Variants in SLC45A4 observed in about 807,000 individuals in gnomAD.
SLC45A4 encodes solute carrier family 45 member 4.
In SLC45A4, 32 loss-of-function variants were observed where a neutral mutation model predicts 63.7. That is an observed-to-expected ratio of 0.50 (90% CI 0.38 to 0.67). SLC45A4 has a LOEUF of 0.67. Among genes scored for constraint, SLC45A4 ranks in the 30% least tolerant of loss-of-function variants. The probability of loss-of-function intolerance (pLI) is 0.00; values close to 1 mark genes in which losing one functional copy is unlikely to be tolerated. For synonymous variants in SLC45A4, 535 were observed against 510.0 expected (o/e 1.05, Z -0.66); for missense variants, 1,027 against 1,157.7 (o/e 0.89, Z 1.64).
intron 2 of SLC45A4, among the ~76,000 whole-genome samples, chr8:141,245,561 C>T (rs1828149273): frequency 6.6e-6 from 1 of 152,228 alleles, no homozygotes; most frequent in East Asian, 1.9e-4. Context: ...ATCAGGGACT[C>T]CCAGGAGACC....
At chr8:141,231,146 G>A (rs1827327385) in intron 2 of SLC45A4, among the ~76,000 whole-genome samples, 1 of 152,244 alleles carries the variant, frequency 6.6e-6, no homozygotes, top group African/African-American at 2.4e-5. Context: ...CCCCGGAAGA[G>A]AAAGGACCTG....
At chr8:141,285,418 C>T (rs1162509365) in intron 1 of SLC45A4, among the ~76,000 whole-genome samples, 6 of 152,184 alleles carry the variant, frequency 3.9e-5, no homozygotes, top group South Asian at 2.1e-4. Flanking sequence ...AAATCTTTAC[C>T]GAATCCCCAC....
At chr8:141,304,722 C>T (rs1830849563) in intron 1 of SLC45A4, among the ~76,000 whole-genome samples, 1 of 152,100 alleles carries the variant, frequency 6.6e-6, no homozygotes. Flanking sequence ...CAACAAATGA[C>T]CCCTACCAAG....
intron 1 of SLC45A4, among the ~76,000 whole-genome samples, chr8:141,277,965 T>C (rs1168829036): frequency 6.6e-6 from 1 of 152,156 alleles, no homozygotes; most frequent in Non-Finnish European, 1.5e-5. Flanking sequence ...TAGAATGTAG[T>C]GGTGCAATCA....
intron 6 of SLC45A4, 65 bp from the exon 7 acceptor site, chr8:141,216,035 A>T: frequency 6.9e-7 from 1 of 1,441,234 alleles, no homozygotes; most frequent in Non-Finnish European, 9.5e-7. Flanking sequence ...GGCTCCCTCC[A>T]CCATCCCTCC....
intron 5 of SLC45A4, among the ~76,000 whole-genome samples, chr8:141,217,575 G>A (rs911932941): frequency 4.6e-5 from 7 of 152,220 alleles, no homozygotes; most frequent in African/African-American, 1.2e-4. Flanking sequence ...CAGGAGGCCC[G>A]AGCGTGTGCT....
At chr8:141,279,228 C>T (rs1829847285) in intron 1 of SLC45A4, among the ~76,000 whole-genome samples, 1 of 152,230 alleles carries the variant, frequency 6.6e-6, no homozygotes, top group Admixed American at 6.5e-5. Flanking sequence ...CCGTGCCAGG[C>T]GGCCTTTCCT....
At chr8:141,244,953 T>TGGGGGGGGGGGGGGGGGGGG (rs1332452740) in intron 2 of SLC45A4, among the ~76,000 whole-genome samples, 1 of 27,754 alleles carries the variant, frequency 3.6e-5, no homozygotes, top group Admixed American at 3.9e-4. Flanking sequence ...CAAGAAGACG[T>TGGGGGGGGGGGGGGGGGGGG]GGGTGGGGGG....
Position 141,215,758 on chromosome 8 carries a change from C to T in SLC45A4, c.1941+1G>A, listed in dbSNP as rs754960829. Reference sequence around the variant, plus strand: ...AGATCTCAGGGCTACGGTGGACGCACCTGCTTGATGTCATGGTACTGGCCC... The same window carrying T: ...AGATCTCAGGGCTACGGTGGACGCATCTGCTTGATGTCATGGTACTGGCCC... On this transcript the variant is annotated splice_donor_variant, in intron 7 of 8. Coordinates refer to ENST00000517878, the MANE Select transcript of SLC45A4 (RefSeq NM_001286646.2). LOFTEE classifies it high-confidence loss of function. The surrounding 1 kb of genome is among the most constrained non-coding windows in gnomAD (Gnocchi z 4.3). 1.2e-6 allele frequency: 2 copies of T among 1,612,888 alleles called. No homozygotes were observed. The highest frequency in any genetic ancestry group is 1.1e-5 in the South Asian group (1 of 91,078).
chr8:141,278,327 AC>A lies in SLC45A4; in HGVS notation c.-400-23699del, dbSNP rs1225997060. On this transcript the variant is annotated intron_variant, in intron 1 of 8. Transcript: ENST00000517878. The surrounding 1 kb of genome is among the most constrained non-coding windows in gnomAD (Gnocchi z 4.1). ...CAACTGGGACTCCTCGGTCTGTGAAACCCATGAGGACATTGGCGAGACTGGG... is the reference window on the plus strand; with the variant it reads ...CAACTGGGACTCCTCGGTCTGTGAAACCATGAGGACATTGGCGAGACTGGG... 5 of 152,266 alleles carry A rather than the reference AC, an allele frequency of 3.3e-5. No homozygotes were observed. The highest frequency in any genetic ancestry group is 7.3e-5 in the Non-Finnish European group (5 of 68,106). The allele number at this position is 152,266 out of a possible 1,614,324, so 9.4% of individuals were successfully genotyped here. A position where few individuals can be genotyped will look rare whatever the true frequency, so the allele number is the denominator to read the frequency against.
intron 2 of SLC45A4, among the ~76,000 whole-genome samples, chr8:141,242,175 C>T (rs190427253): frequency 2.6e-5 from 4 of 152,340 alleles, no homozygotes; most frequent in Admixed American, 2.0e-4. Context: ...TAAAAACCCA[C>T]AGACTCAAAC....
At chr8:141,255,872 G>A (rs73366412) in intron 1 of SLC45A4, among the ~76,000 whole-genome samples, 12,731 of 152,146 alleles carry the variant, frequency 0.084, 1,805 homozygotes, top group African/African-American at 0.29. Flanking sequence ...TTGGCCTTTA[G>A]GTTATAAAAC....
chr8:141,282,964 C>T (rs1830009686), intron 1 of SLC45A4, among the ~76,000 whole-genome samples: 1 of 152,378 alleles, frequency 6.6e-6, no homozygotes, highest in South Asian at 2.1e-4. Context: ...CGGAGACGTG[C>T]ACAGACCTGC....
At chr8:141,255,488 G>T (rs989893067) in intron 1 of SLC45A4, among the ~76,000 whole-genome samples, 1 of 152,228 alleles carries the variant, frequency 6.6e-6, no homozygotes, top group Non-Finnish European at 1.5e-5. Flanking sequence ...GGCTGAAGCA[G>T]GTGGATCACC....
chr8:141,255,762 G>T (rs966059164), intron 1 of SLC45A4, among the ~76,000 whole-genome samples: 1 of 151,924 alleles, frequency 6.6e-6, no homozygotes, highest in African/African-American at 2.4e-5. Context: ...AAAAAGAAAA[G>T]AAAAATGAAA....
intron 2 of SLC45A4, among the ~76,000 whole-genome samples, chr8:141,222,705 A>C (rs1826726073): frequency 6.6e-6 from 1 of 152,188 alleles, no homozygotes. Flanking sequence ...GCACGAGCCC[A>C]CTCACAGCGC....
chr8:141,219,086 A>T, intron 4 of SLC45A4, 57 bp from the exon 5 acceptor site: 2 of 1,558,236 alleles, frequency 1.3e-6, no homozygotes, highest in South Asian at 1.2e-5. Flanking sequence ...CAGGGGGGGA[A>T]GCTCTGGGAG....
At chr8:141,304,576 G>T (rs1052104992) in intron 1 of SLC45A4, among the ~76,000 whole-genome samples, 4 of 151,064 alleles carry the variant, frequency 2.6e-5, no homozygotes, top group Non-Finnish European at 4.4e-5. Context: ...AAAAAAAAGG[G>T]GGGGAGAGAG....
chr8:141,222,673 C>T (rs976872344), intron 2 of SLC45A4, among the ~76,000 whole-genome samples: 5 of 152,228 alleles, frequency 3.3e-5, no homozygotes, highest in African/African-American at 4.8e-5. Context: ...CGGGAACGAG[C>T]GGCCGCCTTG....
Sources: allele counts gnomAD v4.1 joint callset (sites outside exome capture counted in the v4.1 genomes callset), GRCh38; gene constraint gnomAD v4.1.1; non-coding constraint Gnocchi (gnomAD v3.1); transcripts MANE v1.5; gene names NCBI Gene and HGNC (gene_info 2026-07-23, HGNC 2026-07-21).